Variants in CTNND2 observed in about 807,000 individuals in gnomAD.
CTNND2 encodes the protein catenin delta-2.
Under a neutral mutation model 144.4 loss-of-function variants are expected in CTNND2, and 22 were observed. That is an observed-to-expected ratio of 0.15 (90% CI 0.11 to 0.22). The LOEUF (loss-of-function observed/expected upper bound fraction) is 0.22. CTNND2 is among the 10% of genes least tolerant of loss of function. The probability of loss-of-function intolerance (pLI) is 1.00; values close to 1 mark genes in which losing one functional copy is unlikely to be tolerated. For missense variants in CTNND2, 1,353 were observed against 1,618.8 expected (o/e 0.84, Z 2.82); for synonymous variants, 751 against 695.6 (o/e 1.08, Z -1.25).
chr5:11,758,322 A>C (rs1270769834), intron 1 of CTNND2, among the ~76,000 whole-genome samples: 1 of 151,956 alleles, frequency 6.6e-6, no homozygotes, highest in Non-Finnish European at 1.5e-5. Flanking sequence ...GATAGCTAAC[A>C]CATTTATAAC....
At chr5:11,725,448 C>T (rs1786961317) in intron 2 of CTNND2, among the ~76,000 whole-genome samples, 1 of 152,194 alleles carries the variant, frequency 6.6e-6, no homozygotes, top group Non-Finnish European at 1.5e-5. Context: ...TCCCTATTCT[C>T]TTCTCCTCGT....
intron 2 of CTNND2, among the ~76,000 whole-genome samples, chr5:11,715,574 T>A (rs1786306203): frequency 6.6e-6 from 1 of 152,216 alleles, no homozygotes; most frequent in Non-Finnish European, 1.5e-5. Flanking sequence ...CAAGTAGATT[T>A]ACCCTTCCTA....
intron 1 of CTNND2, among the ~76,000 whole-genome samples, chr5:11,874,937 T>G: frequency 6.6e-6 from 1 of 151,930 alleles, no homozygotes; most frequent in Non-Finnish European, 1.5e-5. Flanking sequence ...TATGAAAGAA[T>G]GGAAATGTAC....
chr5:11,210,755 C>T (rs905188382), intron 10 of CTNND2, among the ~76,000 whole-genome samples: 3 of 152,178 alleles, frequency 2.0e-5, no homozygotes, highest in Admixed American at 1.3e-4. Flanking sequence ...AAGAGGCCCA[C>T]AAATACTGCC....
intron 11 of CTNND2, among the ~76,000 whole-genome samples, chr5:11,182,395 A>G (rs1409127647): frequency 6.6e-6 from 1 of 151,810 alleles, no homozygotes; most frequent in Non-Finnish European, 1.5e-5. Flanking sequence ...CTGTATATAT[A>G]TGTCTGTGTG....
chr5:11,671,782 G>T (rs889368140), intron 2 of CTNND2, among the ~76,000 whole-genome samples: 1 of 151,984 alleles, frequency 6.6e-6, no homozygotes, highest in African/African-American at 2.4e-5. Context: ...ACTTCTGTCA[G>T]TTCATCAAAC....
At chr5:11,121,633 T>G (rs116089196) in intron 12 of CTNND2, among the ~76,000 whole-genome samples, 2,519 of 152,298 alleles carry the variant, frequency 0.017, 27 homozygotes, top group Non-Finnish European at 0.028. Context: ...TTTATTTTAA[T>G]GCAACTAAAC....
At chr5:11,187,809 T>C (rs1735795829) in intron 11 of CTNND2, among the ~76,000 whole-genome samples, 1 of 152,018 alleles carries the variant, frequency 6.6e-6, no homozygotes, top group Non-Finnish European at 1.5e-5. Flanking sequence ...AACAGACACT[T>C]CTCAAAAGAA....
At chr5:11,431,156 C>G (rs1269794275) in intron 3 of CTNND2, among the ~76,000 whole-genome samples, 1 of 152,122 alleles carries the variant, frequency 6.6e-6, no homozygotes, top group Non-Finnish European at 1.5e-5. Flanking sequence ...TCCTGACCCT[C>G]TTTTGGTGGA....
chr5:11,686,758 T>C (rs1784670451), intron 2 of CTNND2, among the ~76,000 whole-genome samples: 1 of 148,750 alleles, frequency 6.7e-6, no homozygotes, highest in Non-Finnish European at 1.5e-5. Context: ...TATTCTTATA[T>C]AGAAATATAT....
At chr5:11,574,545 A>G (rs1375581919) in intron 2 of CTNND2, among the ~76,000 whole-genome samples, 1 of 152,188 alleles carries the variant, frequency 6.6e-6, no homozygotes, top group African/African-American at 2.4e-5. Context: ...ACTATAGCTC[A>G]TCATTTCACA....
Position 11,903,854 on chromosome 5 carries a change from G to A in CTNND2, c.-1C>T, listed in dbSNP as rs1486644132. 6.8e-7 allele frequency: 1 copy of A among 1,480,044 alleles called. No homozygotes were observed. Among genetic ancestry groups the A allele is most frequent in the Non-Finnish European group, 8.9e-7 (1 of 1,121,234 alleles). 91.7% of individuals were successfully genotyped at this position (1,480,044 alleles called of 1,614,324 possible). A position where few individuals can be genotyped will look rare whatever the true frequency, so the allele number is the denominator to read the frequency against. Reference sequence around the variant, plus strand: ...CGCCCGGCGGCTTCCTCGCAAACATGCACCCTCCGCCGGCGACAGCTCCTC... The same window carrying A: ...CGCCCGGCGGCTTCCTCGCAAACATACACCCTCCGCCGGCGACAGCTCCTC... On this transcript the variant is annotated 5_prime_UTR_variant, in exon 1 of 22. Coordinates refer to ENST00000304623, the MANE Select transcript of CTNND2 (RefSeq NM_001332.4). The surrounding 1 kb of genome is among the most constrained non-coding windows in gnomAD (Gnocchi z 5.4).
chr5:11,511,491 T>C (rs1023169727), intron 3 of CTNND2, among the ~76,000 whole-genome samples: 4 of 152,130 alleles, frequency 2.6e-5, no homozygotes, highest in African/African-American at 4.8e-5. Flanking sequence ...CCAGGACCCC[T>C]CACATCGACC....
At chr5:11,828,606 T>G (rs926023232) in intron 1 of CTNND2, among the ~76,000 whole-genome samples, 2 of 152,142 alleles carry the variant, frequency 1.3e-5, no homozygotes, top group African/African-American at 4.8e-5. Flanking sequence ...ATGTAAGACA[T>G]AAGTTGCTCT....
At chr5:11,762,023 T>G (rs1447728685) in intron 1 of CTNND2, among the ~76,000 whole-genome samples, 6 of 152,204 alleles carry the variant, frequency 3.9e-5, no homozygotes, top group Non-Finnish European at 8.8e-5. Context: ...TCCACAGGCA[T>G]AGGCGACTTC....
At chr5:11,273,919 G>A (rs1746265209) in intron 9 of CTNND2, among the ~76,000 whole-genome samples, 1 of 152,140 alleles carries the variant, frequency 6.6e-6, no homozygotes, top group Non-Finnish European at 1.5e-5. Flanking sequence ...TTAAAGTTTA[G>A]CACTGGAAAA....
chr5:11,618,904 T>A, intron 2 of CTNND2, among the ~76,000 whole-genome samples: 1 of 152,308 alleles, frequency 6.6e-6, no homozygotes, highest in Non-Finnish European at 1.5e-5. Flanking sequence ...TGAGGAAACA[T>A]AATTAAGTAA....
intron 2 of CTNND2, among the ~76,000 whole-genome samples, chr5:11,641,085 C>T (rs1781975683): frequency 6.6e-6 from 1 of 152,090 alleles, no homozygotes; most frequent in African/African-American, 2.4e-5. Context: ...ACAAAGATAG[C>T]CATGCGTGTA....
intron 15 of CTNND2, among the ~76,000 whole-genome samples, chr5:11,088,423 T>A (rs1039762622): frequency 1.3e-5 from 2 of 152,226 alleles, no homozygotes; most frequent in African/African-American, 2.4e-5. Flanking sequence ...GATATTTTTA[T>A]CCAATTTAGG....
Sources: allele counts gnomAD v4.1 joint callset (sites outside exome capture counted in the v4.1 genomes callset), GRCh38; gene constraint gnomAD v4.1.1; non-coding constraint Gnocchi (gnomAD v3.1); transcripts MANE v1.5; gene names NCBI Gene and HGNC (gene_info 2026-07-23, HGNC 2026-07-21).